FITM2: variants seen among roughly 807,000 people sequenced by gnomAD.
The protein encoded by FITM2 is acyl-coenzyme A diphosphatase FITM2.
Under a neutral mutation model 23.3 loss-of-function variants are expected in FITM2, and 16 were observed. The ratio of observed to expected loss-of-function variants is 0.69; its 90% CI spans 0.47 to 1.05. The LOEUF is 1.05. Ranked by LOEUF, FITM2 falls within the 50% of genes least tolerant of loss-of-function variation. The probability of loss-of-function intolerance (pLI) is 0.00; values close to 1 mark genes in which losing one functional copy is unlikely to be tolerated. For missense variants in FITM2, 273 were observed against 327.5 expected (o/e 0.83, Z 1.29); for synonymous variants, 132 against 142.0 (o/e 0.93, Z 0.50).
At position 44,306,258 on chromosome 20, in the gene FITM2, G is replaced by T; in HGVS notation, c.*367C>A. 1 of 218,364 alleles carries T rather than the reference G, an allele frequency of 4.6e-6. No individual in the cohort carries two copies. The highest frequency in any genetic ancestry group is 9.2e-6 in the Non-Finnish European group (1 of 108,422). The allele number at this position is 218,364 out of a possible 1,614,324, so 13.5% of individuals were successfully genotyped here. On this transcript the variant is annotated 3_prime_UTR_variant, in exon 2 of 2. Coordinates refer to ENST00000396825, the MANE Select transcript of FITM2 (RefSeq NM_001080472.4). ...TAAAGACAACTGGAACCAGGGAGAA[G>T]GCAGCAAAGGAGTCCCAAGGCTCTG... is the stretch of plus-strand genomic sequence containing the variant.
intron 1 of FITM2, among the ~76,000 whole-genome samples, chr20:44,309,510 G>A (rs539101256): frequency 1.3e-5 from 2 of 152,128 alleles, no homozygotes; most frequent in Admixed American, 6.6e-5. Context: ...AAACAGTCTT[G>A]CAACAAGGTC....
At chr20:44,310,764 C>A (rs775145416) in intron 1 of FITM2, among the ~76,000 whole-genome samples, 28 of 152,228 alleles carry the variant, frequency 1.8e-4, no homozygotes, top group Admixed American at 5.9e-4. Context: ...GCTCATGCTG[C>A]CCAAAGTGGG....
rs1245840164 is a variant in FITM2 at position 44,306,214 on chromosome 20, A to C, written c.*411T>G. The C allele has an allele frequency of 4.8e-6, 1 of 206,576 alleles. No homozygotes were observed. The highest frequency in any genetic ancestry group is 1.1e-4 in the East Asian group (1 of 8,776). 12.8% of individuals were successfully genotyped at this position (206,576 alleles called of 1,614,324 possible). A position where few individuals can be genotyped will look rare whatever the true frequency, so the allele number is the denominator to read the frequency against. On this transcript the variant is annotated 3_prime_UTR_variant, in exon 2 of 2. Coordinates refer to ENST00000396825, the MANE Select transcript of FITM2 (RefSeq NM_001080472.4). Reference sequence around the variant, plus strand: ...CTGGAAAATACTGTTAAGTAACAGCAGTAAGAGCCGTGAAAATCTAAAGAC... The same window carrying C: ...CTGGAAAATACTGTTAAGTAACAGCCGTAAGAGCCGTGAAAATCTAAAGAC...
In FITM2 at chr20:44,307,233, C is replaced by G; in HGVS notation, c.181G>C (p.Val61Leu). 1 of 1,613,638 alleles carries G rather than the reference C, an allele frequency of 6.2e-7. No homozygotes were observed. Among genetic ancestry groups the G allele is most frequent in the Non-Finnish European group, 8.5e-7 (1 of 1,179,700 alleles). ...AACGTCCAGGCCCAGGCCACTTTGA[C>G]AAAATACCTGACAGAGGAGGAAAGT... is the stretch of plus-strand genomic sequence containing the variant. ...NKRNVLNVYF[V>L]KVAWAWTFCL... Residue 61 changes from valine (V) to leucine (L), a missense_variant, in exon 2 of 2, where the codon GTC (valine) becomes CTC (leucine). Coordinates refer to ENST00000396825, the MANE Select transcript of FITM2 (RefSeq NM_001080472.4).
At position 44,306,224 on chromosome 20, in the gene FITM2, G is replaced by A. The variant is rs565863822; in HGVS notation, c.*401C>T. The A allele has an allele frequency of 1.9e-5, 4 of 205,454 alleles. No homozygotes were observed. Among genetic ancestry groups the A allele is most frequent in the Admixed American group, 5.3e-5 (1 of 18,970 alleles). 12.7% of individuals were successfully genotyped at this position (205,454 alleles called of 1,614,324 possible). On this transcript the variant is annotated 3_prime_UTR_variant, in exon 2 of 2. Coordinates refer to ENST00000396825, the MANE Select transcript of FITM2 (RefSeq NM_001080472.4). ...CTGTTAAGTAACAGCAGTAAGAGCC[G>A]TGAAAATCTAAAGACAACTGGAACC...
At position 44,306,669 on chromosome 20, in the gene FITM2, G is replaced by A. The variant is rs769500137; in HGVS notation, c.745C>T (p.Gln249Ter). ...TGCTTCAAATTCAAACTACAGCTCT[G>A]GGGAGGAAGTCCTGGGGAAAAGGCT... ...PKAFSPGLPP[Q>*]SCSLNLKQDS... Residue 249 changes from glutamine to a stop codon, truncating the protein, a stop_gained, in exon 2 of 2, where the codon CAG (glutamine) becomes TAG (stop). Transcript: ENST00000396825. LOFTEE classifies it high-confidence loss of function. The A allele has an allele frequency of 1.2e-6, 2 of 1,613,864 alleles. No homozygotes were observed. The highest frequency in any genetic ancestry group is 2.7e-5 in the African/African-American group (2 of 74,910).
intron 1 of FITM2, among the ~76,000 whole-genome samples, chr20:44,307,582 C>G (rs962779418): frequency 1.3e-5 from 2 of 151,750 alleles, no homozygotes; most frequent in Non-Finnish European, 2.9e-5. Context: ...CGCATCACCC[C>G]GCCTGGCTAA....
rs554410215 is a variant in FITM2, at chr20:44,305,274, C to T, written c.*1351G>A. On this transcript the variant is annotated 3_prime_UTR_variant, in exon 2 of 2. Coordinates refer to ENST00000396825, the MANE Select transcript of FITM2 (RefSeq NM_001080472.4). ...TTCTTATCAAAAACTGTAAAGGATT[C>T]GCTCAAAATAGAACAGAAAAAAAGT... 3.3e-5 allele frequency: 5 copies of T among 152,188 alleles called. No individual in the cohort carries two copies. Among genetic ancestry groups the T allele is most frequent in the South Asian group, 4.1e-4 (2 of 4,826 alleles). 9.4% of individuals were successfully genotyped at this position (152,188 alleles called of 1,614,324 possible).
Position 44,306,344 on chromosome 20 carries a change from G to A in FITM2, c.*281C>T. The A allele has an allele frequency of 2.6e-6, 1 of 380,178 alleles. No individual in the cohort carries two copies. Among genetic ancestry groups the A allele is most frequent in the Non-Finnish European group, 5.0e-6 (1 of 201,302 alleles). The allele number at this position is 380,178 out of a possible 1,614,324, so 23.6% of individuals were successfully genotyped here. A position where few individuals can be genotyped will look rare whatever the true frequency, so the allele number is the denominator to read the frequency against. On this transcript the variant is annotated 3_prime_UTR_variant, in exon 2 of 2. Coordinates refer to ENST00000396825, the MANE Select transcript of FITM2 (RefSeq NM_001080472.4). ...ATTCTGCCCTTTTGCTGAGCCTTAG[G>A]TCCCCACTCTAGGGACAAAAGGAGT...
rs907597956 is a variant in FITM2 at position 44,304,724 on chromosome 20, G to C, written c.*1901C>G. On this transcript the variant is annotated 3_prime_UTR_variant, in exon 2 of 2. Coordinates refer to ENST00000396825, the MANE Select transcript of FITM2 (RefSeq NM_001080472.4). ...GGTACAGATGCCCTGGGCCACAGCA[G>C]AGTGATCAGTGCACTCAGCACATGA... 5.2e-5 allele frequency: 8 copies of C among 152,598 alleles called. No individual in the cohort carries two copies. Among genetic ancestry groups the C allele is most frequent in the African/African-American group, 1.9e-4 (8 of 41,464 alleles). 9.5% of individuals were successfully genotyped at this position (152,598 alleles called of 1,614,324 possible). A position where few individuals can be genotyped will look rare whatever the true frequency, so the allele number is the denominator to read the frequency against.
intron 1 of FITM2, among the ~76,000 whole-genome samples, chr20:44,309,290 T>C (rs1239227011): frequency 6.6e-6 from 1 of 151,836 alleles, no homozygotes; most frequent in Non-Finnish European, 1.5e-5. Flanking sequence ...AGTGATTCTC[T>C]TGCCTCAGCC....
chr20:44,306,782 A>G lies in FITM2; in HGVS notation c.632T>C (p.Val211Ala). The G allele has an allele frequency of 6.2e-7, 1 of 1,614,170 alleles. No homozygotes were observed. The highest frequency in any genetic ancestry group is 8.5e-7 in the Non-Finnish European group (1 of 1,180,038). ...CTTCTGGGACAAGTTGTGGAAATAA[A>G]CAGCTGTGCACAGAAACATCAACAC... is the stretch of plus-strand genomic sequence containing the variant. ...IWVLMFLCTA[V>A]YFHNLSQKVF... is the part of the protein sequence containing the mutation. The change falls in exon 2 of 2, where the codon GTT (valine) becomes GCT (alanine). Residue 211 changes from valine to alanine, a missense_variant. Val to Ala is a moderately conservative substitution (Grantham distance 64). Coordinates refer to ENST00000396825, the MANE Select transcript of FITM2 (RefSeq NM_001080472.4).
chr20:44,311,111 C>T lies in FITM2; in HGVS notation c.38G>A (p.Gly13Glu), dbSNP rs770142931. The T allele has an allele frequency of 3.1e-6, 5 of 1,613,014 alleles. No individual in the cohort carries two copies. Among genetic ancestry groups the T allele is most frequent in the Non-Finnish European group, 4.2e-6 (5 of 1,179,582 alleles). Residue 13 changes from glycine to glutamate, a missense_variant, in exon 1 of 2, where the codon GGG becomes GAG. Transcript: ENST00000396825. ...HLERCEWLLR[G>E]TLVRAAVRRY... ...CCGCACGGCCGCCCGCACCAGCGTC[C>T]CCCGCAACAACCACTCGCAGCGCTC... is the stretch of plus-strand genomic sequence containing the variant.
In FITM2 at chr20:44,311,151, C is replaced by A. The variant is rs140049914; in HGVS notation, c.-3G>T. The stretch of plus-strand genomic sequence containing the variant: ...TCGCAGCGCTCCAGATGCTCCATGC[C>A]GGATCTCGTCAGCCACCGTCCTCCT... On this transcript the variant is annotated 5_prime_UTR_variant, in exon 1 of 2. Coordinates refer to ENST00000396825, the MANE Select transcript of FITM2 (RefSeq NM_001080472.4). 6.7e-5 allele frequency: 108 copies of A among 1,610,196 alleles called. 1 individual carries two copies. In the East Asian group the frequency reaches 2.3e-3, roughly 34 times the overall value.
At chr20:44,307,427 T>C (rs530461494) in intron 1 of FITM2, among the ~76,000 whole-genome samples, 187 bp from the exon 2 acceptor site, 1 of 152,114 alleles carries the variant, frequency 6.6e-6, no homozygotes, top group African/African-American at 2.4e-5. Flanking sequence ...TATTTATTTA[T>C]TTATTTATTT....
chr20:44,307,556 G>T (rs2062694130), intron 1 of FITM2, among the ~76,000 whole-genome samples: 1 of 151,900 alleles, frequency 6.6e-6, no homozygotes, highest in Non-Finnish European at 1.5e-5. Flanking sequence ...CTCCCAAGTA[G>T]CTGGGATTAC....
Position 44,303,630 on chromosome 20 carries a change from C to CT in FITM2, c.*2994dup, listed in dbSNP as rs199814618. On this transcript the variant is annotated 3_prime_UTR_variant, in exon 2 of 2. Coordinates refer to ENST00000396825, the MANE Select transcript of FITM2 (RefSeq NM_001080472.4). ...TGCTGAACATGACACTTTGGAGAGC[C>CT]TTTTTTTTTTTTGAGACAGAGTCTC... The CT allele has an allele frequency of 1.4e-3, 194 of 143,198 alleles. 2 individuals carry two copies. The highest frequency in any genetic ancestry group is 3.4e-3 in the East Asian group (17 of 4,972). 8.9% of individuals were successfully genotyped at this position (143,198 alleles called of 1,614,324 possible).
In FITM2 at chr20:44,307,030, C is replaced by G. The variant is rs781116649; in HGVS notation, c.384G>C (p.Glu128Asp). The change falls in exon 2 of 2, where the codon GAG becomes GAC. Residue 128 changes from glutamate (E) to aspartate (D), a missense_variant. By Grantham distance (45) the Glu-to-Asp change is conservative (BLOSUM62 2). Coordinates refer to ENST00000396825, the MANE Select transcript of FITM2 (RefSeq NM_001080472.4). Reference sequence around the variant, plus strand: ...TGCTCTGGTGTTCCTTTCTGACCCCCTCCAGGGCTGGGGACTGGTAGCAGC... The same window carrying G: ...TGCTCTGGTGTTCCTTTCTGACCCCGTCCAGGGCTGGGGACTGGTAGCAGC... ...TGSCYQSPAL[E>D]GVRKEHQSKQ... 7.4e-6 allele frequency: 12 copies of G among 1,614,114 alleles called. No homozygotes were observed. In the African/African-American group the frequency reaches 1.6e-4, roughly 22 times the overall value.
In FITM2 at chr20:44,311,026, C is replaced by T. The variant is rs1197937965; in HGVS notation, c.123G>A (p.Leu41=). The change falls in exon 1 of 2, where the codon TTG becomes TTA. Residue 41 remains leucine, a synonymous_variant. Transcript: ENST00000396825. ...SMLAGSLLKE[L]SPLPESYLSN... ...TGAGGTAGCTCTCGGGCAACGGGGA[C>T]AACTCCTTGAGGAGGGAGCCCGCCA... is the stretch of plus-strand genomic sequence containing the variant. The T allele has an allele frequency of 1.9e-6, 3 of 1,586,342 alleles. No homozygotes were observed. The highest frequency in any genetic ancestry group is 8.6e-7 in the Non-Finnish European group (1 of 1,167,754).
Sources: gnomAD v4.1 joint callset for allele counts (sites outside exome capture counted in the v4.1 genomes callset) on GRCh38, gnomAD v4.1.1 for gene constraint, MANE v1.5 for transcripts, NCBI Gene and HGNC (gene_info 2026-07-23, HGNC 2026-07-21) for gene names.